Variants in ANKRD36 observed in about 807,000 individuals in gnomAD.
The protein encoded by ANKRD36 is ankyrin repeat domain-containing protein 36A.
A neutral mutation model predicts 278.1 loss-of-function variants in ANKRD36; 179 were observed. That is an observed-to-expected ratio of 0.64 (90% CI 0.57 to 0.73). The LOEUF (loss-of-function observed/expected upper bound fraction) is 0.73. Among genes scored for constraint, ANKRD36 ranks in the 30% least tolerant of loss-of-function variants. The pLI, the probability that ANKRD36 is intolerant of heterozygous loss-of-function variation, is 0.00. For synonymous variants in ANKRD36, 320 were observed against 641.1 expected, an observed-to-expected ratio of 0.50 and a Z score of 7.57; for missense variants, 1,159 against 1,956.7, an observed-to-expected ratio of 0.59 and a Z score of 7.69.
chr2:97,180,079 G>A, intron 24 of ANKRD36, 146 bp downstream of exon 24: 1 of 1,226,516 alleles, frequency 8.2e-7, no homozygotes, highest in Non-Finnish European at 1.1e-6. Context: ...GAGTTCTCAG[G>A]TGACCCTGAT....
chr2:97,170,729 G>T (rs1182247938), intron 22 of ANKRD36, among the ~76,000 whole-genome samples: 1 of 151,714 alleles, frequency 6.6e-6, no homozygotes, highest in Non-Finnish European at 1.5e-5. Context: ...AAGAGCTTCT[G>T]CACAGCAAAA....
intron 67 of ANKRD36, among the ~76,000 whole-genome samples, chr2:97,227,222 G>C (rs1187330205): frequency 4.6e-5 from 7 of 152,102 alleles, no homozygotes; most frequent in Non-Finnish European, 1.0e-4. Context: ...TGGGCAGTAT[G>C]GCCATTTTAA....
chr2:97,202,087 A>T lies in ANKRD36; in HGVS notation c.2858-115A>T, dbSNP rs111558429. ...CCCCAGACACAAAGTAGAAGCCATG[A>T]AGGCCTATGCTAATACAGGCAGGAG... On this transcript the variant is annotated intron_variant, in intron 46 of 75. Coordinates refer to ENST00000420699, the MANE Select transcript of ANKRD36 (RefSeq NM_001354587.1). The T allele has an allele frequency of 8.7e-4, 1,361 of 1,559,536 alleles. 6 individuals are homozygous for T. In the African/African-American group the frequency reaches 0.015, roughly 18 times the overall value.
intron 6 of ANKRD36, among the ~76,000 whole-genome samples, chr2:97,137,313 C>CT (rs967770874): frequency 6.6e-6 from 1 of 150,820 alleles, no homozygotes; most frequent in Non-Finnish European, 1.5e-5. Flanking sequence ...CACTCAGCTA[C>CT]TTTTTTTTTG....
At chr2:97,190,611 T>C (rs1247336477) in intron 34 of ANKRD36, among the ~76,000 whole-genome samples, 1 of 151,632 alleles carries the variant, frequency 6.6e-6, no homozygotes, top group Non-Finnish European at 1.5e-5. Flanking sequence ...ATGAAAGACA[T>C]GTGGGATCAT....
chr2:97,125,897 G>A (rs1031991352), intron 5 of ANKRD36, among the ~76,000 whole-genome samples: 19 of 151,562 alleles, frequency 1.3e-4, no homozygotes, highest in African/African-American at 3.4e-4. Flanking sequence ...GTAAGGCTTT[G>A]TGCTTGCTTT....
chr2:97,204,617 G>A (rs1422934283), intron 50 of ANKRD36, among the ~76,000 whole-genome samples: 6 of 151,528 alleles, frequency 4.0e-5, no homozygotes, highest in African/African-American at 1.2e-4. Flanking sequence ...ACTTCAGCTC[G>A]CACTGCCAAG....
At chr2:97,225,104 G>T (rs537768102) in intron 67 of ANKRD36, among the ~76,000 whole-genome samples, 6 of 152,006 alleles carry the variant, frequency 3.9e-5, no homozygotes, top group Admixed American at 6.6e-5. Flanking sequence ...GAGTTAAAAA[G>T]TTCCTGATAT....
rs2045222563 is a variant in ANKRD36, at chr2:97,149,200, T to A, written c.1035-95T>A. On this transcript the variant is annotated intron_variant, in intron 11 of 75. Coordinates refer to ENST00000420699, the MANE Select transcript of ANKRD36 (RefSeq NM_001354587.1). ...GTTTCCTCAGACTTTGTTTTACCAT[T>A]TTTTTGGAGTGGACATACGTGTATA... 3.5e-5 allele frequency: 35 copies of A among 999,674 alleles called. 1 individual carries two copies. The highest frequency in any genetic ancestry group is 1.6e-4 in the Admixed American group (7 of 43,350). The allele number at this position is 999,674 out of a possible 1,614,324, so 61.9% of individuals were successfully genotyped here. A position where few individuals can be genotyped will look rare whatever the true frequency, so the allele number is the denominator to read the frequency against.
intron 46 of ANKRD36, among the ~76,000 whole-genome samples, chr2:97,201,243 A>T (rs1291881291): frequency 1.1e-4 from 16 of 151,904 alleles, no homozygotes; most frequent in South Asian, 2.1e-4. Flanking sequence ...AAATGAGATA[A>T]ACTTGAATAT....
Position 97,196,604 on chromosome 2 carries a change from A to G in ANKRD36, c.2563A>G (p.Lys855Glu), listed in dbSNP as rs763278705. 1 of 1,604,784 alleles carries G rather than the reference A, an allele frequency of 6.2e-7. No individual in the cohort carries two copies. Among genetic ancestry groups the G allele is most frequent in the East Asian group, 2.2e-5 (1 of 44,576 alleles). Residue 855 changes from lysine (K) to glutamate (E), a missense_variant, in exon 41 of 76, where the codon AAA becomes GAA. Lys to Glu is a moderately conservative substitution (Grantham distance 56). Coordinates refer to ENST00000420699, the MANE Select transcript of ANKRD36 (RefSeq NM_001354587.1). Reference protein sequence around the residue: ...GEISRKVSSQKPPTLKGTSDE... With the variant: ...GEISRKVSSQEPPTLKGTSDE... The stretch of plus-strand genomic sequence containing the variant: ...CTTTTGCTTTTCAGTGTCTTCTCAG[A>G]AACCACCAACCTTGAAGGTAATGAA...
rs1230881008 is a variant in ANKRD36, at chr2:97,123,163, G to T, written c.593+170G>T. On this transcript the variant is annotated intron_variant, in intron 4 of 75. Coordinates refer to ENST00000420699, the MANE Select transcript of ANKRD36 (RefSeq NM_001354587.1). ...ACTTAGGTAGGAAAACAATTATTTGGACTGAGTAACATAAAGAACAGTGTA... is the reference window on the plus strand; with the variant it reads ...ACTTAGGTAGGAAAACAATTATTTGTACTGAGTAACATAAAGAACAGTGTA... 1.3e-4 allele frequency among the ~76,000 whole-genome samples: 20 copies of T among 151,820 alleles called. 1 individual carries two copies. Among genetic ancestry groups the T allele is most frequent in the Admixed American group, 3.3e-4 (5 of 15,138 alleles).
intron 32 of ANKRD36, among the ~76,000 whole-genome samples, chr2:97,188,235 T>G (rs1235601330): frequency 6.6e-6 from 1 of 151,846 alleles, no homozygotes; most frequent in Non-Finnish European, 1.5e-5. Context: ...CTCCCAAGAA[T>G]GCTATTTTAG....
chr2:97,200,075 T>G (rs1216307906), intron 44 of ANKRD36, among the ~76,000 whole-genome samples: 1 of 151,892 alleles, frequency 6.6e-6, no homozygotes, highest in Admixed American at 6.6e-5. Context: ...ACATTGAGAT[T>G]GACACGGTTT....
At chr2:97,125,099 G>A (rs2038204548) in intron 5 of ANKRD36, among the ~76,000 whole-genome samples, 2 of 151,314 alleles carry the variant, frequency 1.3e-5, no homozygotes, top group Admixed American at 1.3e-4. Flanking sequence ...AGGAGAAGGG[G>A]AAAGGACATT....
chr2:97,193,721 G>A (rs1001412625), intron 38 of ANKRD36, among the ~76,000 whole-genome samples: 7 of 151,584 alleles, frequency 4.6e-5, no homozygotes, highest in Non-Finnish European at 8.8e-5. Flanking sequence ...TTACTATTAG[G>A]CATCAGAGAT....
At position 97,142,783 on chromosome 2, in the gene ANKRD36, T is replaced by G; in HGVS notation, c.849T>G (p.Asp283Glu). 3 of 1,575,016 alleles carry G rather than the reference T, an allele frequency of 1.9e-6. No individual in the cohort carries two copies. The highest frequency in any genetic ancestry group is 1.7e-6 in the Non-Finnish European group (2 of 1,160,432). Reference protein sequence around the residue: ...PALKATSGKEDSISNIATEIK... With the variant: ...PALKATSGKEESISNIATEIK... Reference sequence around the variant, plus strand: ...CTCAGGCTACAAGTGGCAAGGAAGATTCTATTTCAAATATAGCCACAGAAA... The same window carrying G: ...CTCAGGCTACAAGTGGCAAGGAAGAGTCTATTTCAAATATAGCCACAGAAA... The change falls in exon 8 of 76, where the codon GAT becomes GAG. Residue 283 changes from aspartate to glutamate, a missense_variant. Physicochemically the swap from Asp to Glu is conservative, Grantham distance 45. Transcript: ENST00000420699.
At chr2:97,147,498 T>A (rs1280395679) in intron 11 of ANKRD36, among the ~76,000 whole-genome samples, 2 of 151,844 alleles carry the variant, frequency 1.3e-5, no homozygotes, top group African/African-American at 4.8e-5. Context: ...TTGCTTAACA[T>A]CCTGATCAAG....
At chr2:97,230,756 C>T (rs2071694234) in intron 67 of ANKRD36, among the ~76,000 whole-genome samples, 1 of 152,030 alleles carries the variant, frequency 6.6e-6, no homozygotes, top group African/African-American at 2.4e-5. Context: ...TGTTTTTTCC[C>T]CATCTTTGAG....
Sources: gnomAD v4.1 joint callset for allele counts (sites outside exome capture counted in the v4.1 genomes callset) on GRCh38, gnomAD v4.1.1 for gene constraint, MANE v1.5 for transcripts, NCBI Gene and HGNC (gene_info 2026-07-23, HGNC 2026-07-21) for gene names.